The following SPAG16 variants were observed in gnomAD, a reference collection of about 807,000 sequenced individuals.
SPAG16 encodes sperm-associated antigen 16 protein.
SPAG16 carries 86 observed loss-of-function variants against 80.4 expected under a neutral mutation model. That is an observed-to-expected ratio of 1.07 (90% confidence interval 0.90 to 1.28). The LOEUF (loss-of-function observed/expected upper bound fraction) is 1.28, where lower values mean the gene tolerates loss of function less well. Ranked by LOEUF, SPAG16 falls within the 50% of genes most tolerant of loss-of-function variation. The pLI is 0.00. For synonymous variants in SPAG16, 294 were observed against 265.9 expected (o/e 1.11, Z -1.03); for missense variants, 870 against 765.3 (o/e 1.14, Z -1.61).
chr2:214,104,856 C>T (rs868849271), intron 13 of SPAG16, among the ~76,000 whole-genome samples: 49 of 151,888 alleles, frequency 3.2e-4, no homozygotes, highest in African/African-American at 1.1e-3. Flanking sequence ...GCCAGGGACT[C>T]GCAACAATGG....
chr2:213,585,189 C>CAA (rs754596152), intron 10 of SPAG16, among the ~76,000 whole-genome samples: 21 of 88,344 alleles, frequency 2.4e-4, no homozygotes, highest in Middle Eastern at 8.9e-3. Context: ...GACTCCATCT[C>CAA]AAAAAAAAAA....
chr2:214,178,487 A>G (rs2057202677), intron 15 of SPAG16, among the ~76,000 whole-genome samples: 1 of 151,316 alleles, frequency 6.6e-6, no homozygotes, highest in South Asian at 2.1e-4. Flanking sequence ...GTTTTACTCC[A>G]AAGCTAGAAC....
intron 14 of SPAG16, among the ~76,000 whole-genome samples, chr2:214,109,607 A>G (rs2053565414): frequency 6.6e-6 from 1 of 152,210 alleles, no homozygotes. Context: ...TACTAAGGGA[A>G]TGTTGATTGC....
At chr2:214,273,250 C>A (rs910067755) in intron 15 of SPAG16, among the ~76,000 whole-genome samples, 1 of 152,132 alleles carries the variant, frequency 6.6e-6, no homozygotes. Flanking sequence ...GTTGCCTGTT[C>A]ACTCTAATGG....
intron 10 of SPAG16, among the ~76,000 whole-genome samples, chr2:213,602,209 G>T (rs1224005057): frequency 6.6e-6 from 1 of 152,182 alleles, no homozygotes; most frequent in Admixed American, 6.5e-5. Context: ...CTGGCTTTGT[G>T]TTTGGTACAC....
At chr2:213,547,160 C>T (rs1349278363) in intron 10 of SPAG16, among the ~76,000 whole-genome samples, 1 of 151,940 alleles carries the variant, frequency 6.6e-6, no homozygotes, top group Non-Finnish European at 1.5e-5. Flanking sequence ...CAGAAGATAA[C>T]CTAATATATC....
intron 15 of SPAG16, among the ~76,000 whole-genome samples, chr2:214,371,744 G>C: frequency 6.7e-6 from 1 of 148,512 alleles, no homozygotes; most frequent in South Asian, 2.1e-4. Flanking sequence ...GCAATGGCGT[G>C]ATCTTGGCTC....
chr2:213,506,543 AT>A lies in SPAG16; in HGVS notation c.1070+16455del, dbSNP rs2074976781. Among the ~76,000 whole-genome samples the A allele has an allele frequency of 2.0e-5, 3 of 152,102 alleles. No homozygotes were observed. The South Asian group carries it at 6.2e-4, about 32-fold the overall frequency. ...TTATGGACCACTTTAACTCATGGTG[AT>A]TAGAAATCCTTCCTCATCTTATCTC... is the stretch of plus-strand genomic sequence containing the variant. On this transcript the variant is annotated intron_variant, in intron 10 of 15. Transcript: ENST00000331683.
At chr2:214,381,903 C>A (rs575479343) in intron 15 of SPAG16, among the ~76,000 whole-genome samples, 1 of 152,292 alleles carries the variant, frequency 6.6e-6, no homozygotes, top group South Asian at 2.1e-4. Context: ...TTGCTTTAAC[C>A]CTCAGCTTTG....
chr2:214,404,470 G>T (rs575341566), intron 15 of SPAG16, among the ~76,000 whole-genome samples: 1 of 152,252 alleles, frequency 6.6e-6, no homozygotes, highest in Non-Finnish European at 1.5e-5. Flanking sequence ...GTTTATATTT[G>T]TGGTATTTTA....
At chr2:214,182,132 T>G (rs1204123279) in intron 15 of SPAG16, among the ~76,000 whole-genome samples, 1 of 151,784 alleles carries the variant, frequency 6.6e-6, no homozygotes, top group African/African-American at 2.4e-5. Context: ...TTGCTGGAGA[T>G]TTAAATATAT....
chr2:213,549,302 T>A (rs916232164), intron 10 of SPAG16, among the ~76,000 whole-genome samples: 2 of 152,114 alleles, frequency 1.3e-5, no homozygotes, highest in Non-Finnish European at 2.9e-5. Context: ...AAATATTAAA[T>A]TACAGATTTT....
At chr2:213,962,358 A>G (rs2044485582) in intron 12 of SPAG16, among the ~76,000 whole-genome samples, 1 of 151,908 alleles carries the variant, frequency 6.6e-6, no homozygotes. Context: ...AAGCCCGGCT[A>G]ATTTTTTCGC....
intron 15 of SPAG16, among the ~76,000 whole-genome samples, chr2:214,380,669 G>A (rs1700397132): frequency 6.6e-6 from 1 of 152,184 alleles, no homozygotes. Context: ...AAAATGAGAT[G>A]GCTCAGAAGC....
At chr2:213,935,537 C>T (rs1333557816) in intron 12 of SPAG16, among the ~76,000 whole-genome samples, 4 of 152,154 alleles carry the variant, frequency 2.6e-5, no homozygotes, top group Non-Finnish European at 2.9e-5. Flanking sequence ...CCAATAGCAA[C>T]ATATGCAAGT....
At chr2:213,685,938 A>G (rs2064643871) in intron 10 of SPAG16, among the ~76,000 whole-genome samples, 2 of 152,230 alleles carry the variant, frequency 1.3e-5, no homozygotes, top group African/African-American at 4.8e-5. Context: ...TTTCGTTAAC[A>G]GATTGAGGAG....
chr2:213,730,079 G>A (rs369989507), intron 10 of SPAG16, among the ~76,000 whole-genome samples: 1 of 152,076 alleles, frequency 6.6e-6, no homozygotes. Flanking sequence ...ATTACCTCAG[G>A]TCTCTCAGAA....
chr2:214,268,034 A>G (rs1691709384), intron 15 of SPAG16, among the ~76,000 whole-genome samples: 1 of 151,994 alleles, frequency 6.6e-6, no homozygotes, highest in Non-Finnish European at 1.5e-5. Flanking sequence ...GACATTTCTC[A>G]AAAGAAGAGA....
At chr2:214,298,111 TATAC>T (rs1559192375) in intron 15 of SPAG16, among the ~76,000 whole-genome samples, 9 of 70,922 alleles carry the variant, frequency 1.3e-4, no homozygotes, top group African/African-American at 3.2e-4. Context: ...TATATATATA[TATAC>T]ACACACACAC....
Sources: gnomAD v4.1 joint callset for allele counts (sites outside exome capture counted in the v4.1 genomes callset) on GRCh38, gnomAD v4.1.1 for gene constraint, MANE v1.5 for transcripts, NCBI Gene and HGNC (gene_info 2026-07-23, HGNC 2026-07-21) for gene names.